TSHR: variants seen among roughly 807,000 people sequenced by gnomAD.
TSHR encodes thyroid stimulating hormone receptor, also known as thyrotropin receptor.
TSHR carries 51 observed loss-of-function variants against 64.1 expected under a neutral mutation model. The observed-to-expected ratio is 0.80, with a 90% CI of 0.64 to 1.01. The LOEUF is 1.01. Among genes scored for constraint, TSHR ranks in the 50% least tolerant of loss-of-function variants. The pLI is 0.00. For missense variants in TSHR, 877 were observed against 942.8 expected, an observed-to-expected ratio of 0.93 and a Z score of 0.91; for synonymous variants, 361 against 361.9, an observed-to-expected ratio of 1.00 and a Z score of 0.03.
intron 1 of TSHR, chr14:80,982,222 A>T: frequency 4.8e-6 from 3 of 619,768 alleles, no homozygotes; most frequent in Non-Finnish European, 8.5e-6. Context: ...GTCAGAGCCT[A>T]AGGCTCTGGG....
intron 7 of TSHR, among the ~76,000 whole-genome samples, chr14:81,099,863 T>C (rs376795921): frequency 1.1e-4 from 17 of 152,320 alleles, no homozygotes; most frequent in African/African-American, 3.8e-4. Flanking sequence ...CTTCAAGAGA[T>C]TTTCAAAAGA....
Position 81,021,984 on chromosome 14 carries a change from C to T in TSHR, c.171-40164C>T, listed in dbSNP as rs117243405. Among the ~76,000 whole-genome samples, 1,215 of 152,082 alleles carry T rather than the reference C, an allele frequency of 8.0e-3. 11 individuals are homozygous for T. Among genetic ancestry groups the T allele is most frequent in the Non-Finnish European group, 0.01 (713 of 67,992 alleles). On this transcript the variant is annotated intron_variant, in intron 1 of 9. Transcript: ENST00000298171. ...GGCTTTTAAAATTACAGTAATCGGC[C>T]GCGTGCGGTGGCTCACGCCTGTAAT...
chr14:81,048,070 G>A (rs1043062301), intron 1 of TSHR, among the ~76,000 whole-genome samples: 14 of 152,072 alleles, frequency 9.2e-5, no homozygotes, highest in African/African-American at 2.9e-4. Context: ...TAGATAGCTC[G>A]CTTTTATATC....
At chr14:81,043,739 A>G (rs1185911317) in intron 1 of TSHR, among the ~76,000 whole-genome samples, 2 of 152,216 alleles carry the variant, frequency 1.3e-5, no homozygotes, top group East Asian at 1.9e-4. Context: ...GAACAGACAC[A>G]TAGACCAATG....
chr14:81,052,103 A>G (rs915214755), intron 1 of TSHR: 3 of 152,110 alleles, frequency 2.0e-5, no homozygotes, highest in African/African-American at 7.2e-5. Context: ...TGGGGGACAT[A>G]CCCATGAAAT....
chr14:81,117,538 T>G (rs1421706983), intron 8 of TSHR, among the ~76,000 whole-genome samples: 2 of 131,816 alleles, frequency 1.5e-5, no homozygotes, highest in African/African-American at 3.2e-5. Context: ...GTGGCAATAA[T>G]CAATAGCTTA....
At chr14:81,131,395 T>C (rs1172433931) in intron 8 of TSHR, among the ~76,000 whole-genome samples, 1 of 152,228 alleles carries the variant, frequency 6.6e-6, no homozygotes, top group Admixed American at 6.5e-5. Context: ...GCAGCCAGCA[T>C]GATCCTTTTT....
intron 2 of TSHR, among the ~76,000 whole-genome samples, chr14:81,064,091 A>G (rs1433608355): frequency 1.3e-5 from 2 of 152,160 alleles, no homozygotes; most frequent in Non-Finnish European, 2.9e-5. Flanking sequence ...CAATGGTTTT[A>G]AGCAGGCAAG....
At chr14:81,032,380 C>A in intron 1 of TSHR, 1 of 187,166 alleles carries the variant, frequency 5.3e-6, no homozygotes, top group Non-Finnish European at 1.1e-5. Context: ...TTTTCTAGCC[C>A]ACCTTAGAGA....
intron 1 of TSHR, among the ~76,000 whole-genome samples, chr14:81,019,083 C>G (rs1232621951): frequency 6.6e-6 from 1 of 152,102 alleles, no homozygotes; most frequent in East Asian, 1.9e-4. Context: ...GACCAAATTG[C>G]CTGAACCCCA....
At chr14:81,073,186 A>G (rs1184541683) in intron 3 of TSHR, among the ~76,000 whole-genome samples, 2 of 150,924 alleles carry the variant, frequency 1.3e-5, no homozygotes, top group African/African-American at 2.4e-5. Flanking sequence ...TTTAATGTCT[A>G]TAAGAGCATA....
chr14:80,957,717 G>A (rs1334106017), intron 1 of TSHR: 1 of 152,224 alleles, frequency 6.6e-6, no homozygotes, highest in Non-Finnish European at 1.5e-5. Context: ...TGGAACAGGA[G>A]TCAGGAAACC....
chr14:81,109,360 G>A (rs1890123185), intron 8 of TSHR, among the ~76,000 whole-genome samples: 1 of 152,034 alleles, frequency 6.6e-6, no homozygotes, highest in African/African-American at 2.4e-5. Context: ...AGCGAGCCCA[G>A]ATCGTGCCAC....
At position 81,145,568 on chromosome 14, in the gene TSHR, C is replaced by T. The variant is rs982138031; in HGVS notation, c.*1215C>T. ...AGTAAACGATGGTTGCAAATTTTGG[C>T]TATTTAGAGTTGCTACTTCACTATG... On this transcript the variant is annotated 3_prime_UTR_variant, in exon 10 of 10. Coordinates refer to ENST00000298171, the MANE Select transcript of TSHR (RefSeq NM_000369.5). 9 of 232,940 alleles carry T rather than the reference C, an allele frequency of 3.9e-5. No individual in the cohort carries two copies. Among genetic ancestry groups the T allele is most frequent in the Non-Finnish European group, 6.8e-5 (8 of 117,978 alleles). The allele number at this position is 232,940 out of a possible 1,614,324, so 14.4% of individuals were successfully genotyped here.
chr14:80,999,929 T>TTTTC (rs1889222118), intron 1 of TSHR, among the ~76,000 whole-genome samples: 1 of 149,392 alleles, frequency 6.7e-6, no homozygotes, highest in Non-Finnish European at 1.5e-5. Context: ...TTTTTTTCTT[T>TTTTC]TTTTTCTTTT....
chr14:81,112,358 C>T (rs917984), intron 8 of TSHR, among the ~76,000 whole-genome samples: 88,578 of 151,966 alleles, frequency 0.58, 26,574 homozygotes, highest in Middle Eastern at 0.71. Flanking sequence ...CACTCCTTCC[C>T]CATTTCTCTC....
intron 7 of TSHR, among the ~76,000 whole-genome samples, chr14:81,097,917 T>C (rs1889318599): frequency 6.6e-6 from 1 of 152,212 alleles, no homozygotes; most frequent in Non-Finnish European, 1.5e-5. Context: ...ATTATTTTTT[T>C]ACTACATAAT....
At chr14:81,079,151 C>T (rs1053853324) in intron 3 of TSHR, among the ~76,000 whole-genome samples, 4 of 152,030 alleles carry the variant, frequency 2.6e-5, no homozygotes. Flanking sequence ...GTAACTTCAG[C>T]GAGGATACTG....
chr14:81,117,272 A>T (rs1236531646), intron 8 of TSHR, among the ~76,000 whole-genome samples: 2 of 123,254 alleles, frequency 1.6e-5, no homozygotes, highest in Non-Finnish European at 1.6e-5. Flanking sequence ...TCAACAAAAT[A>T]GATAGACCAC....
Sources: allele counts gnomAD v4.1 joint callset (sites outside exome capture counted in the v4.1 genomes callset), GRCh38; gene constraint gnomAD v4.1.1; transcripts MANE v1.5; gene names NCBI Gene and HGNC (gene_info 2026-07-23, HGNC 2026-07-21).